The following ADCY5 variants were observed in gnomAD, a reference collection of about 807,000 sequenced individuals.
ADCY5 encodes adenylate cyclase 5.
A neutral mutation model predicts 119.7 loss-of-function variants in ADCY5; 30 were observed. The ratio of observed to expected loss-of-function variants is 0.25; its 90% CI spans 0.19 to 0.34. The LOEUF is 0.34. ADCY5 is among the 10% of genes least tolerant of loss of function. The probability of loss-of-function intolerance (pLI) is 1.00; values close to 1 mark genes in which losing one functional copy is unlikely to be tolerated. For synonymous variants in ADCY5, 753 were observed against 762.2 expected (o/e 0.99, Z 0.20); for missense variants, 1,324 against 1,775.2 (o/e 0.75, Z 4.57).
At chr3:123,340,176 G>A (rs931403873) in intron 3 of ADCY5, among the ~76,000 whole-genome samples, 4 of 152,002 alleles carry the variant, frequency 2.6e-5, no homozygotes, top group African/African-American at 7.2e-5. Context: ...CCTGGGGTCC[G>A]AGTTACTGGG....
chr3:123,357,841 T>G (rs1035494388), intron 1 of ADCY5, among the ~76,000 whole-genome samples: 2 of 152,214 alleles, frequency 1.3e-5, no homozygotes, highest in African/African-American at 2.4e-5. Context: ...GATGGAATTC[T>G]GCTTACACAC....
rs1006228166 is a variant in ADCY5 at position 123,371,092 on chromosome 3, G to A, written c.1135-18511C>T. Among the ~76,000 whole-genome samples the A allele has an allele frequency of 5.9e-5, 9 of 152,282 alleles. No individual in the cohort carries two copies. The South Asian group carries it at 8.3e-4, about 14-fold the overall frequency. On this transcript the variant is annotated intron_variant, in intron 1 of 20. Transcript: ENST00000462833. ...GAAGCACAGTGGCCAGACTCTGCAC[G>A]GTAACAAACAGCGGCCCAGAGGAAA...
At chr3:123,368,289 T>C (rs1943520421) in intron 1 of ADCY5, among the ~76,000 whole-genome samples, 2 of 151,980 alleles carry the variant, frequency 1.3e-5, no homozygotes, top group Admixed American at 6.6e-5. Context: ...GAGAAGTAGA[T>C]GGGAGGGCTG....
At chr3:123,288,513 C>T (rs1938927022) in intron 19 of ADCY5, among the ~76,000 whole-genome samples, 1 of 152,180 alleles carries the variant, frequency 6.6e-6, no homozygotes, top group Non-Finnish European at 1.5e-5. Context: ...CTAACTTGTG[C>T]TCCATCAGAC....
chr3:123,377,495 A>C (rs1175101207), intron 1 of ADCY5, among the ~76,000 whole-genome samples: 1 of 152,166 alleles, frequency 6.6e-6, no homozygotes, highest in Non-Finnish European at 1.5e-5. Flanking sequence ...AACAGCCATC[A>C]TAGGCCCACA....
At chr3:123,396,370 GA>G in intron 1 of ADCY5, among the ~76,000 whole-genome samples, 1 of 125,786 alleles carries the variant, frequency 8.0e-6, no homozygotes, top group African/African-American at 3.0e-5. Context: ...GAGGGAGGAA[GA>G]AGGAAGGAAG....
intron 14 of ADCY5, among the ~76,000 whole-genome samples, chr3:123,300,816 TGGCA>T (rs1313214095): frequency 6.6e-6 from 1 of 152,216 alleles, no homozygotes; most frequent in Non-Finnish European, 1.5e-5. Flanking sequence ...GCTGCTCTGG[TGGCA>T]AAAGCTGACC....
At chr3:123,288,040 T>C (rs947952042) in intron 19 of ADCY5, among the ~76,000 whole-genome samples, 2 of 152,236 alleles carry the variant, frequency 1.3e-5, no homozygotes, top group African/African-American at 4.8e-5. Context: ...GTGACGTTAA[T>C]GCAGAAATGG....
At chr3:123,298,002 A>AT (rs1245950197) in intron 15 of ADCY5, among the ~76,000 whole-genome samples, 1 of 146,972 alleles carries the variant, frequency 6.8e-6, no homozygotes, top group African/African-American at 2.4e-5. Flanking sequence ...GTGGCTTTTT[A>AT]TTTTTTTATT....
chr3:123,401,905 G>A (rs1402190100), intron 1 of ADCY5, among the ~76,000 whole-genome samples: 2 of 152,166 alleles, frequency 1.3e-5, no homozygotes, highest in Non-Finnish European at 2.9e-5. Flanking sequence ...GCCTGTCCCT[G>A]CAGAATCCAC....
chr3:123,318,252 T>A (rs1941029930), intron 10 of ADCY5, 135 bp from the exon 11 acceptor site: 1 of 646,012 alleles, frequency 1.5e-6, no homozygotes, highest in Non-Finnish European at 2.8e-6. Flanking sequence ...CAGGGAAGAC[T>A]CGAGAACCAG....
intron 1 of ADCY5, among the ~76,000 whole-genome samples, chr3:123,429,587 AAC>A (rs1294874413): frequency 6.6e-6 from 1 of 152,104 alleles, no homozygotes; most frequent in African/African-American, 2.4e-5. Flanking sequence ...AGTTCACAGA[AAC>A]ACAGAGGCTG....
At chr3:123,412,972 G>C (rs963209330) in intron 1 of ADCY5, among the ~76,000 whole-genome samples, 1 of 152,232 alleles carries the variant, frequency 6.6e-6, no homozygotes, top group Non-Finnish European at 1.5e-5. Context: ...GCACAGGCCA[G>C]CCTGCACTGT....
intron 1 of ADCY5, among the ~76,000 whole-genome samples, chr3:123,411,940 G>GT (rs1945061402): frequency 6.6e-6 from 1 of 152,174 alleles, no homozygotes; most frequent in African/African-American, 2.4e-5. Flanking sequence ...GTGGGCCCAG[G>GT]TACCAAGCCC....
At chr3:123,335,921 G>A (rs950639423) in intron 3 of ADCY5, among the ~76,000 whole-genome samples, 2 of 152,210 alleles carry the variant, frequency 1.3e-5, no homozygotes, top group Non-Finnish European at 2.9e-5. Context: ...GGAGAAATGG[G>A]GACAGGGACA....
At chr3:123,396,071 A>AGAGAGG (rs1559859720) in intron 1 of ADCY5, among the ~76,000 whole-genome samples, 12 of 44,282 alleles carry the variant, frequency 2.7e-4, no homozygotes, top group East Asian at 5.8e-4. Context: ...GGTGGGAGGG[A>AGAGAGG]GAGGGAGGGA....
At chr3:123,289,727 G>A in intron 19 of ADCY5, 23 bp downstream of exon 19, 2 of 1,611,814 alleles carry the variant, frequency 1.2e-6, no homozygotes. Flanking sequence ...CCTGGGCTCA[G>A]CACTCCCTGG....
At chr3:123,412,508 T>C (rs1489091294) in intron 1 of ADCY5, among the ~76,000 whole-genome samples, 1 of 152,166 alleles carries the variant, frequency 6.6e-6, no homozygotes, top group African/African-American at 2.4e-5. Flanking sequence ...TTCAAGCGTA[T>C]GAAGACAGCA....
intron 7 of ADCY5, 38 bp from the exon 8 acceptor site, chr3:123,325,500 T>C (rs1298514408): frequency 1.2e-6 from 2 of 1,612,368 alleles, no homozygotes; most frequent in Non-Finnish European, 1.7e-6. Context: ...AGATGAGGAG[T>C]CCAAGCGGAG....
Sources: allele counts gnomAD v4.1 joint callset (sites outside exome capture counted in the v4.1 genomes callset), GRCh38; gene constraint gnomAD v4.1.1; transcripts MANE v1.5; gene names NCBI Gene and HGNC (gene_info 2026-07-23, HGNC 2026-07-21).